FBXO30: variants seen among roughly 807,000 people sequenced by gnomAD.
FBXO30 encodes F-box only protein 30.
Under a neutral mutation model 58.1 loss-of-function variants are expected in FBXO30, and 21 were observed. That is an observed-to-expected ratio of 0.36 (90% confidence interval 0.26 to 0.52). The LOEUF is 0.52. FBXO30 is among the 20% of genes least tolerant of loss of function. FBXO30 has a pLI of 0.93. For synonymous variants in FBXO30, 309 were observed against 312.4 expected, an observed-to-expected ratio of 0.99 and a Z score of 0.11; for missense variants, 744 against 897.3, an observed-to-expected ratio of 0.83 and a Z score of 2.18.
In FBXO30 at chr6:145,795,187, G is replaced by A. The variant is rs1356369761; in HGVS notation, c.*4919C>T. On this transcript the variant is annotated 3_prime_UTR_variant, in exon 3 of 3. Coordinates refer to ENST00000237281, the MANE Select transcript of FBXO30 (RefSeq NM_032145.5). ...AGATCAACCTATTTGCCTCACATCTGAGAAACAAAATTTCTAAAAATTTAT... is the reference window on the plus strand; with the variant it reads ...AGATCAACCTATTTGCCTCACATCTAAGAAACAAAATTTCTAAAAATTTAT... 1.3e-5 allele frequency: 2 copies of A among 151,680 alleles called. No homozygotes were observed. The highest frequency in any genetic ancestry group is 4.8e-5 in the African/African-American group (2 of 41,358). 9.4% of individuals were successfully genotyped at this position (151,680 alleles called of 1,614,324 possible).
intron 2 of FBXO30, among the ~76,000 whole-genome samples, chr6:145,802,317 A>G (rs1348913922): frequency 2.0e-5 from 3 of 152,134 alleles, no homozygotes; most frequent in African/African-American, 7.2e-5. Context: ...TCCTAAGTCA[A>G]TTAGTTGGCC....
intron 1 of FBXO30, among the ~76,000 whole-genome samples, chr6:145,812,251 T>C (rs1000534214): frequency 3.9e-5 from 6 of 152,226 alleles, no homozygotes; most frequent in Non-Finnish European, 7.3e-5. Flanking sequence ...CATTTCTAAA[T>C]AGAGTCATGG....
chr6:145,804,680 C>T lies in FBXO30; in HGVS notation c.1726G>A (p.Ala576Thr). ...QRRFCPSIQG[A>T]KIIHDRHLRS... is the part of the protein sequence containing the mutation. ...AAATGGCGGTCATGTATAATCTTTG[C>T]TCCTTGTATTGATGGACAAAATCTA... The change falls in exon 2 of 3, where the codon GCA becomes ACA. Residue 576 changes from alanine (A) to threonine (T), a missense_variant. Physicochemically the swap from Ala to Thr is moderately conservative, Grantham distance 58 (BLOSUM62 0). Around this residue, in one of 3 missense-constraint regions of FBXO30, gnomAD observed 334 missense variants for 433.7 expected, o/e 0.77. Coordinates refer to ENST00000237281, the MANE Select transcript of FBXO30 (RefSeq NM_032145.5). The T allele has an allele frequency of 6.2e-7, 1 of 1,613,920 alleles. No individual in the cohort carries two copies. Among genetic ancestry groups the T allele is most frequent in the Non-Finnish European group, 8.5e-7 (1 of 1,179,904 alleles).
chr6:145,805,156 G>C lies in FBXO30; in HGVS notation c.1250C>G (p.Pro417Arg), dbSNP rs766830976. Reference protein sequence around the residue: ...DTSDLEVAEDPMGLQGIDLIT... With the variant: ...DTSDLEVAEDRMGLQGIDLIT... Reference sequence around the variant, plus strand: ...CAGATCTATTCCTTGGAGGCCCATAGGATCTTCTGCAACTTCCAAATCTGA... The same window carrying C: ...CAGATCTATTCCTTGGAGGCCCATACGATCTTCTGCAACTTCCAAATCTGA... The change falls in exon 2 of 3, where the codon CCT (proline) becomes CGT (arginine). Residue 417 changes from proline to arginine, a missense_variant. Around this residue, in one of 3 missense-constraint regions of FBXO30, gnomAD observed 334 missense variants for 433.7 expected, o/e 0.77. Transcript: ENST00000237281. 6.2e-7 allele frequency: 1 copy of C among 1,614,054 alleles called. No individual in the cohort carries two copies. The highest frequency in any genetic ancestry group is 1.1e-5 in the South Asian group (1 of 91,080).
chr6:145,806,221 T>C lies in FBXO30; in HGVS notation c.185A>G (p.Asn62Ser). Residue 62 changes from asparagine to serine, a missense_variant, in exon 2 of 3, where the codon AAT (asparagine) becomes AGT (serine). Asn to Ser is a conservative substitution (Grantham distance 46). Around this residue, in one of 3 missense-constraint regions of FBXO30, gnomAD observed 135 missense variants for 201.6 expected, o/e 0.67. Transcript: ENST00000237281. ...GGTAAATGGACATCCAAAGTCACTA[T>C]TTAAGCAAGGCACTCGTTCAAATGG... is the stretch of plus-strand genomic sequence containing the variant. ...LCPFERVPCL[N>S]SDFGCPFTMA... is the part of the protein sequence containing the mutation. The C allele has an allele frequency of 6.2e-7, 1 of 1,614,144 alleles. No individual in the cohort carries two copies. Among genetic ancestry groups the C allele is most frequent in the South Asian group, 1.1e-5 (1 of 91,088 alleles).
At position 145,800,106 on chromosome 6, in the gene FBXO30, T is replaced by A. The variant is rs760153397; in HGVS notation, c.2238A>T (p.Ter746TyrextTer3). Residue 746 changes from the stop codon to tyrosine (Y), a stop_lost, in exon 3 of 3, where the codon TAA (stop) becomes TAT (tyrosine). Coordinates refer to ENST00000237281, the MANE Select transcript of FBXO30 (RefSeq NM_032145.5). ...SLRSVLKPVL[*>Y] ...ATATGTGCTAGTAATATTACAACTT[T>A]TAAAGTACAGGTTTTAAAACTGAGC... 4 of 1,610,996 alleles carry A rather than the reference T, an allele frequency of 2.5e-6. No homozygotes were observed. The highest frequency in any genetic ancestry group is 3.4e-6 in the Non-Finnish European group (4 of 1,177,854).
Position 145,799,983 on chromosome 6 carries a change from CATT to C in FBXO30, c.*120_*122del. 1 of 734,212 alleles carries C rather than the reference CATT, an allele frequency of 1.4e-6. No homozygotes were observed. The highest frequency in any genetic ancestry group is 2.2e-6 in the Non-Finnish European group (1 of 462,508). 45.5% of individuals were successfully genotyped at this position (734,212 alleles called of 1,614,324 possible). ...TATAAAAATAGATGTCACTTCAAAA[CATT>C]ATATACACAGTGACAATAAATTTAG... is the stretch of plus-strand genomic sequence containing the variant. On this transcript the variant is annotated 3_prime_UTR_variant, in exon 3 of 3. Transcript: ENST00000237281.
rs774003792 is a variant in FBXO30 at position 145,805,119 on chromosome 6, T to C, written c.1287A>G (p.Ala429=). ...GLQGIDLITA[A]LLFCLGDSPG... Reference sequence around the variant, plus strand: ...GAGAATCTCCTAGACAAAAAAGCAATGCTGCTGTGATCAGATCTATTCCTT... The same window carrying C: ...GAGAATCTCCTAGACAAAAAAGCAACGCTGCTGTGATCAGATCTATTCCTT... The change falls in exon 2 of 3, where the codon GCA becomes GCG. Residue 429 remains alanine, a synonymous_variant. Coordinates refer to ENST00000237281, the MANE Select transcript of FBXO30 (RefSeq NM_032145.5). The C allele has an allele frequency of 1.9e-6, 3 of 1,614,104 alleles. No homozygotes were observed. Among genetic ancestry groups the C allele is most frequent in the South Asian group, 1.1e-5 (1 of 91,092 alleles).
Position 145,797,392 on chromosome 6 carries a change from A to G in FBXO30, c.*2714T>C, listed in dbSNP as rs1777885622. The G allele has an allele frequency of 6.6e-6, 1 of 152,170 alleles. No individual in the cohort carries two copies. 9.4% of individuals were successfully genotyped at this position (152,170 alleles called of 1,614,324 possible). On this transcript the variant is annotated 3_prime_UTR_variant, in exon 3 of 3. Transcript: ENST00000237281. ...TATTTATACAAACACACACAGGTAC[A>G]CACATATATCCACTCCAGTAATGCA...
intron 1 of FBXO30, among the ~76,000 whole-genome samples, chr6:145,807,466 A>C (rs1226632844): frequency 6.6e-6 from 1 of 152,252 alleles, no homozygotes; most frequent in African/African-American, 2.4e-5. Context: ...TTGTTGGATC[A>C]CAGGGGAAAA....
Position 145,800,132 on chromosome 6 carries a change from G to A in FBXO30, c.2212C>T (p.Arg738Cys), listed in dbSNP as rs996765773. The A allele has an allele frequency of 7.4e-6, 12 of 1,612,568 alleles. No homozygotes were observed. Among genetic ancestry groups the A allele is most frequent in the East Asian group, 2.2e-5 (1 of 44,856 alleles). The change falls in exon 3 of 3, where the codon CGC becomes TGC. Residue 738 changes from arginine (R) to cysteine (C), a missense_variant. Arg to Cys is a radical substitution (Grantham distance 180). This residue lies in a region of FBXO30 where 334 missense variants were observed against 433.7 expected (regional missense o/e 0.77). Coordinates refer to ENST00000237281, the MANE Select transcript of FBXO30 (RefSeq NM_032145.5). ...RELTKEGRSL[R>C]SVLKPVL ...TAAAGTACAGGTTTTAAAACTGAGC[G>A]TAGTGAACGTCCTTCTTTAGTGAGT...
intron 2 of FBXO30, among the ~76,000 whole-genome samples, chr6:145,803,901 T>C (rs1196294728): frequency 6.6e-6 from 1 of 152,164 alleles, no homozygotes. Context: ...ACAGTAGTAG[T>C]TGTAACTTAT....
chr6:145,806,931 T>C (rs1428517767), intron 1 of FBXO30, among the ~76,000 whole-genome samples: 9 of 152,228 alleles, frequency 5.9e-5, no homozygotes, highest in Admixed American at 3.3e-4. Flanking sequence ...AATGAATTCA[T>C]TTAAGATTTC....
chr6:145,795,058 T>A lies in FBXO30; in HGVS notation c.*5048A>T, dbSNP rs1256364890. On this transcript the variant is annotated 3_prime_UTR_variant, in exon 3 of 3. Coordinates refer to ENST00000237281, the MANE Select transcript of FBXO30 (RefSeq NM_032145.5). ...GTTACTGTTCTTATGTCATCAGACT[T>A]TAAAACTACTAAATACTAATATAAC... is the stretch of plus-strand genomic sequence containing the variant. 2.0e-5 allele frequency: 3 copies of A among 151,790 alleles called. No homozygotes were observed. The highest frequency in any genetic ancestry group is 7.2e-5 in the African/African-American group (3 of 41,416). 9.4% of individuals were successfully genotyped at this position (151,790 alleles called of 1,614,324 possible).
In FBXO30 at chr6:145,804,620, C is replaced by A; in HGVS notation, c.1786G>T (p.Val596Leu). The A allele has an allele frequency of 6.2e-7, 1 of 1,613,820 alleles. No homozygotes were observed. The stretch of plus-strand genomic sequence containing the variant: ...CAGTTTCTAGCAGGCTCCACTAATA[C>A]TGTAGATACACATGGCTGAACTCCA... ...SFGVQPCVSTVLVEPARNCVL... is the reference protein window; with the variant it reads ...SFGVQPCVSTLLVEPARNCVL... The change falls in exon 2 of 3, where the codon GTA becomes TTA. Residue 596 changes from valine to leucine, a missense_variant. Physicochemically the swap from Val to Leu is conservative, Grantham distance 32. Coordinates refer to ENST00000237281, the MANE Select transcript of FBXO30 (RefSeq NM_032145.5).
At chr6:145,809,161 T>C (rs1462551215) in intron 1 of FBXO30, among the ~76,000 whole-genome samples, 1 of 152,184 alleles carries the variant, frequency 6.6e-6, no homozygotes, top group Non-Finnish European at 1.5e-5. Flanking sequence ...AATATATAAA[T>C]AGACATACTA....
chr6:145,801,870 C>T (rs1379772982), intron 2 of FBXO30, among the ~76,000 whole-genome samples: 1 of 152,046 alleles, frequency 6.6e-6, no homozygotes, highest in African/African-American at 2.4e-5. Flanking sequence ...TCAATGGAGA[C>T]AGGCAGTCTC....
Position 145,806,729 on chromosome 6 carries a change from A to T in FBXO30, c.-16-308T>A, listed in dbSNP as rs117660315. On this transcript the variant is annotated intron_variant, in intron 1 of 2. Coordinates refer to ENST00000237281, the MANE Select transcript of FBXO30 (RefSeq NM_032145.5). ...TACTATTTAAATTCTAATACTGTGT[A>T]TTATTTAATGTTAAAAACAAGTTAA... Among the ~76,000 whole-genome samples, 633 of 152,284 alleles carry T rather than the reference A, an allele frequency of 4.2e-3. 18 individuals carry two copies. In the East Asian group the frequency reaches 0.071, roughly 17 times the overall value.
In FBXO30 at chr6:145,798,971, G is replaced by A. The variant is rs1204028740; in HGVS notation, c.*1135C>T. On this transcript the variant is annotated 3_prime_UTR_variant, in exon 3 of 3. Transcript: ENST00000237281. ...AGCAGACCACATCAGGTTAATAATG[G>A]TATAAATCAATTTGAAAACTATAAT... is the stretch of plus-strand genomic sequence containing the variant. 1 of 151,514 alleles carries A rather than the reference G, an allele frequency of 6.6e-6. No individual in the cohort carries two copies. The highest frequency in any genetic ancestry group is 6.6e-5 in the Admixed American group (1 of 15,158). 9.4% of individuals were successfully genotyped at this position (151,514 alleles called of 1,614,324 possible).
Sources: allele counts gnomAD v4.1 joint callset (sites outside exome capture counted in the v4.1 genomes callset), GRCh38; gene constraint gnomAD v4.1.1; regional missense constraint gnomAD v4.1.1; transcripts MANE v1.5; gene names NCBI Gene and HGNC (gene_info 2026-07-23, HGNC 2026-07-21).